Variants in GSN observed in about 807,000 individuals in gnomAD.
GSN encodes actin-depolymerizing factor.
GSN carries 56 observed loss-of-function variants against 85.7 expected under a neutral mutation model. The ratio of observed to expected loss-of-function variants is 0.65; its 90% CI spans 0.53 to 0.82. The LOEUF is 0.82. Among genes scored for constraint, GSN ranks in the 40% least tolerant of loss-of-function variants. The pLI is 0.00. For synonymous variants in GSN, 373 were observed against 399.1 expected, an observed-to-expected ratio of 0.93 and a Z score of 0.78; for missense variants, 857 against 979.8, an observed-to-expected ratio of 0.87 and a Z score of 1.67.
chr9:121,268,807 G>C (rs149257780), intron 1 of GSN, among the ~76,000 whole-genome samples: 1 of 152,210 alleles, frequency 6.6e-6, no homozygotes, highest in African/African-American at 2.4e-5. Context: ...TCACACGGAA[G>C]CTTCTTCTGG....
intron 4 of GSN, among the ~76,000 whole-genome samples, chr9:121,226,702 C>T (rs2054277323): frequency 6.6e-6 from 1 of 152,170 alleles, no homozygotes; most frequent in Non-Finnish European, 1.5e-5. Context: ...CAGCTCCTGA[C>T]ACAGAACTCC....
At chr9:121,237,530 G>A (rs947363068) in intron 5 of GSN, among the ~76,000 whole-genome samples, 2 of 152,122 alleles carry the variant, frequency 1.3e-5, no homozygotes, top group East Asian at 1.9e-4. Context: ...CAGCCTGAGC[G>A]ACAGAGCAAG....
chr9:121,276,591 A>G (rs2132484681), intron 1 of GSN, among the ~76,000 whole-genome samples: 1 of 152,338 alleles, frequency 6.6e-6, no homozygotes, highest in Non-Finnish European at 1.5e-5. Context: ...CTTTTATAGC[A>G]GGGCTTTAGG....
chr9:121,243,429 A>G (rs1270709490), intron 5 of GSN, among the ~76,000 whole-genome samples: 2 of 152,128 alleles, frequency 1.3e-5, no homozygotes, highest in Admixed American at 1.3e-4. Flanking sequence ...TAACATCCCA[A>G]AGTTCCAGGA....
intron 2 of GSN, chr9:121,281,846 A>G: frequency 2.1e-6 from 1 of 471,018 alleles, no homozygotes. Flanking sequence ...TTGCTATGTG[A>G]CTTTAGGAGA....
At chr9:121,320,431 G>A (rs1432413033) in intron 10 of GSN, among the ~76,000 whole-genome samples, 4 of 152,170 alleles carry the variant, frequency 2.6e-5, no homozygotes, top group Non-Finnish European at 5.9e-5. Context: ...GATCACCTGA[G>A]GTCAGGAGTT....
At chr9:121,324,216 ATGTCC>A (rs1428856983) in intron 11 of GSN, among the ~76,000 whole-genome samples, 2 of 152,188 alleles carry the variant, frequency 1.3e-5, no homozygotes, top group Non-Finnish European at 2.9e-5. Context: ...GCCCAGAGAA[ATGTCC>A]TGGCCACTTT....
At chr9:121,312,241 G>A in intron 5 of GSN, 98 bp from the exon 6 acceptor site, 1 of 1,319,128 alleles carries the variant, frequency 7.6e-7, no homozygotes, top group Non-Finnish European at 1.1e-6. Flanking sequence ...GCAGAACAGG[G>A]TGAGCCTGCA....
At position 121,282,062 on chromosome 9, in the gene GSN, C is replaced by T. The variant is rs1299253674; in HGVS notation, c.-10+500C>T. ...AGCGGATGAGTCATGCCCGCTGGGGCCAGCTGGCAGGGTGGGGCCCACCTG... is the reference window on the plus strand; with the variant it reads ...AGCGGATGAGTCATGCCCGCTGGGGTCAGCTGGCAGGGTGGGGCCCACCTG... On this transcript the variant is annotated intron_variant, in intron 2 of 17. Coordinates refer to ENST00000432226, the MANE Select transcript of GSN (RefSeq NM_198252.3). 8.5e-6 allele frequency: 4 copies of T among 473,058 alleles called. No homozygotes were observed. The Admixed American group carries it at 9.5e-5, about 11-fold the overall frequency. 29.3% of individuals were successfully genotyped at this position (473,058 alleles called of 1,614,324 possible).
At position 121,259,334 on chromosome 9, in the gene GSN, G is replaced by A. The variant is rs1035224083; in HGVS notation, c.-340-5820G>A. Among the ~76,000 whole-genome samples, 110 of 152,294 alleles carry A rather than the reference G, an allele frequency of 7.2e-4. 1 individual carries two copies. Among genetic ancestry groups the A allele is most frequent in the African/African-American group, 2.6e-3 (107 of 41,568 alleles). ...AGAATGGTCCAGAAAGTACTATGATGGAGGCATGTGCAAGGAACTGTGAAA... is the reference window on the plus strand; with the variant it reads ...AGAATGGTCCAGAAAGTACTATGATAGAGGCATGTGCAAGGAACTGTGAAA... On this transcript the variant is annotated intron_variant, in intron 6 of 24. Coordinates refer to the GSN transcript ENST00000373823.
intron 6 of GSN, among the ~76,000 whole-genome samples, chr9:121,259,586 T>G (rs2055037987): frequency 6.6e-6 from 1 of 152,008 alleles, no homozygotes; most frequent in South Asian, 2.1e-4. Flanking sequence ...CATAGGGGCA[T>G]GGGGTTCAGG....
In GSN at chr9:121,313,425, T is replaced by G. The variant is rs2061388407; in HGVS notation, c.664-509T>G. 1.4e-5 allele frequency: 3 copies of G among 218,956 alleles called. No individual in the cohort carries two copies. In the South Asian group the frequency reaches 2.2e-4, roughly 16 times the overall value. 13.6% of individuals were successfully genotyped at this position (218,956 alleles called of 1,614,324 possible). A position where few individuals can be genotyped will look rare whatever the true frequency, so the allele number is the denominator to read the frequency against. ...AAGGGACCTGGACACCAACCATGGC[T>G]TGGGAGGGACAGTGGGAGTGAAAAT... On this transcript the variant is annotated intron_variant, in intron 6 of 17. Transcript: ENST00000432226.
At position 121,299,873 on chromosome 9, in the gene GSN, CCG is replaced by C. The variant is rs2133136830; in HGVS notation, c.-9-2088_-9-2087del. ...CCGCTGTCGCCACCATGGCTCCGCA[CCG>C]CCCCGCGCCCGCGCTGCTTTGCGCG... On this transcript the variant is annotated intron_variant, in intron 2 of 17. Transcript: ENST00000432226. This position sits in a 1 kb window ranked among gnomAD's most constrained non-coding sequence, Gnocchi z 4.2. 1 of 1,327,754 alleles carries C rather than the reference CCG, an allele frequency of 7.5e-7. No individual in the cohort carries two copies. Among genetic ancestry groups the C allele is most frequent in the South Asian group, 1.9e-5 (1 of 53,586 alleles). The allele number at this position is 1,327,754 out of a possible 1,614,324, so 82.2% of individuals were successfully genotyped here. A position where few individuals can be genotyped will look rare whatever the true frequency, so the allele number is the denominator to read the frequency against.
At chr9:121,251,184 G>GTGCTTTTTGTTTTTTTTTTTTTTTTTT (rs2054824193) in intron 6 of GSN, among the ~76,000 whole-genome samples, 1 of 6,372 alleles carries the variant, frequency 1.6e-4, no homozygotes, top group African/African-American at 8.8e-4. Flanking sequence ...CAGCTGATGT[G>GTGCTTTTTGTTTTTTTTTTTTTTTTTT]TTCTTTTTTT....
rs2062050638 is a variant in GSN at position 121,318,976 on chromosome 9, T to G, written c.1191+96T>G. 3 of 972,328 alleles carry G rather than the reference T, an allele frequency of 3.1e-6. No homozygotes were observed. The highest frequency in any genetic ancestry group is 3.2e-5 in the African/African-American group (2 of 62,484). The allele number at this position is 972,328 out of a possible 1,614,324, so 60.2% of individuals were successfully genotyped here. On this transcript the variant is annotated intron_variant, in intron 10 of 17. Coordinates refer to ENST00000432226, the MANE Select transcript of GSN (RefSeq NM_198252.3). This position sits in a 1 kb window ranked among gnomAD's most constrained non-coding sequence, Gnocchi z 4.3. Reference sequence around the variant, plus strand: ...CCCCAAGGAGGTTTCTCTCTGAGGTTTGCACAACTTTGGTAGCTGAGATTC... The same window carrying G: ...CCCCAAGGAGGTTTCTCTCTGAGGTGTGCACAACTTTGGTAGCTGAGATTC...
At chr9:121,292,010 C>T (rs1410340622) in intron 2 of GSN, among the ~76,000 whole-genome samples, 1 of 152,202 alleles carries the variant, frequency 6.6e-6, no homozygotes, top group Non-Finnish European at 1.5e-5. Context: ...GATCCTCCCA[C>T]CTCAGCCTCC....
intron 4 of GSN, among the ~76,000 whole-genome samples, chr9:121,305,314 T>C (rs1387538721): frequency 2.0e-5 from 3 of 152,232 alleles, no homozygotes; most frequent in Non-Finnish European, 4.4e-5. Context: ...CTAACTTGCC[T>C]AAGTTCACAC....
chr9:121,246,347 A>G (rs531911683), intron 5 of GSN, among the ~76,000 whole-genome samples: 3 of 152,220 alleles, frequency 2.0e-5, no homozygotes, highest in Non-Finnish European at 4.4e-5. Context: ...GTGAGAATGA[A>G]AGAGCAAGCT....
In GSN at chr9:121,313,923, A is replaced by G. The variant is rs1037948709; in HGVS notation, c.664-11A>G. ...AGCCACCCTTCCTCTCCATCTCTCT[A>G]TCTCCTACAGGTGCTGGGCCCCAAG... On this transcript the variant is annotated splice_polypyrimidine_tract_variant and intron_variant, in intron 6 of 17. Transcript: ENST00000432226. The G allele has an allele frequency of 2.0e-5, 32 of 1,607,190 alleles. No homozygotes were observed. The highest frequency in any genetic ancestry group is 2.4e-5 in the Non-Finnish European group (28 of 1,173,774).
Sources: allele counts gnomAD v4.1 joint callset (sites outside exome capture counted in the v4.1 genomes callset), GRCh38; gene constraint gnomAD v4.1.1; non-coding constraint Gnocchi (gnomAD v3.1); transcripts MANE v1.5; gene names NCBI Gene and HGNC (gene_info 2026-07-23, HGNC 2026-07-21).